The following HMGCLL1 variants were observed in gnomAD, a reference collection of about 807,000 sequenced individuals.
The protein encoded by HMGCLL1 is 3-hydroxymethyl-3-methylglutaryl-CoA lyase, cytoplasmic.
HMGCLL1 carries 36 observed loss-of-function variants against 39.1 expected under a neutral mutation model. The ratio of observed to expected loss-of-function variants is 0.92; its 90% CI spans 0.71 to 1.22. The LOEUF is 1.22. HMGCLL1 is among the 50% of genes most tolerant of loss of function. HMGCLL1 has a pLI of 0.00. For synonymous variants in HMGCLL1, 149 were observed against 144.0 expected (o/e 1.03, Z -0.25); for missense variants, 451 against 416.5 (o/e 1.08, Z -0.72).
At chr6:55,599,189 C>T in the HMGCLL1 span, among the ~76,000 whole-genome samples, 1 of 146,134 alleles carries the variant, frequency 6.8e-6, no homozygotes, top group Admixed American at 6.8e-5. Context: ...GTGCAGCAAA[C>T]CACCATGGCA....
intron 3 of HMGCLL1, among the ~76,000 whole-genome samples, chr6:55,519,471 G>C (rs1201826357): frequency 6.6e-6 from 1 of 152,112 alleles, no homozygotes; most frequent in Non-Finnish European, 1.5e-5. Flanking sequence ...GCATATCCAT[G>C]AATTTAGCTT....
At chr6:55,596,740 T>C in the HMGCLL1 span, among the ~76,000 whole-genome samples, 1 of 152,158 alleles carries the variant, frequency 6.6e-6, no homozygotes, top group Admixed American at 6.5e-5. Flanking sequence ...AAAACAAACT[T>C]TTTGTCTCAA....
chr6:55,501,371 C>T (rs528700485), intron 5 of HMGCLL1, among the ~76,000 whole-genome samples: 206 of 151,940 alleles, frequency 1.4e-3, no homozygotes, highest in Non-Finnish European at 1.9e-3. Flanking sequence ...TTTATGGCTG[C>T]TTTTACACTA....
chr6:55,553,174 T>TAC (rs1279185188), intron 1 of HMGCLL1, among the ~76,000 whole-genome samples: 1 of 95,202 alleles, frequency 1.1e-5, no homozygotes, highest in African/African-American at 3.9e-5. Context: ...TATATATATA[T>TAC]ACATACACAC....
At chr6:55,517,699 T>A (rs897133993) in intron 3 of HMGCLL1, among the ~76,000 whole-genome samples, 1 of 152,008 alleles carries the variant, frequency 6.6e-6, no homozygotes, top group East Asian at 1.9e-4. Flanking sequence ...TAAAAATACA[T>A]GTTACAATAT....
At chr6:55,655,559 G>GATAGATAC in the HMGCLL1 span, among the ~76,000 whole-genome samples, 1 of 151,686 alleles carries the variant, frequency 6.6e-6, no homozygotes, top group Admixed American at 6.6e-5. Flanking sequence ...TAGATAGATA[G>GATAGATAC]ATAGATAGAT....
the HMGCLL1 span, among the ~76,000 whole-genome samples, chr6:55,658,156 G>T: frequency 3.9e-5 from 6 of 151,950 alleles, no homozygotes; most frequent in Admixed American, 2.6e-4. Flanking sequence ...AGGACAAAAG[G>T]TTGATTTGAC....
intron 1 of HMGCLL1, chr6:55,577,180 A>G (rs1230352753): frequency 6.4e-7 from 1 of 1,564,224 alleles, no homozygotes; most frequent in Non-Finnish European, 8.7e-7. Context: ...AGGAAGATAA[A>G]GTTCAAAAAG....
chr6:55,449,623 T>C (rs1005010103), intron 7 of HMGCLL1, among the ~76,000 whole-genome samples: 1 of 152,246 alleles, frequency 6.6e-6, no homozygotes, highest in African/African-American at 2.4e-5. Context: ...CTGCTTTCTA[T>C]TTGTTCCACA....
the HMGCLL1 span, among the ~76,000 whole-genome samples, chr6:55,593,053 C>T: frequency 6.6e-6 from 1 of 152,058 alleles, no homozygotes; most frequent in Non-Finnish European, 1.5e-5. Flanking sequence ...AAGGAGACTT[C>T]CTACAAATTC....
the HMGCLL1 span, among the ~76,000 whole-genome samples, chr6:55,640,041 G>C: frequency 0.094 from 14,307 of 152,066 alleles, 768 homozygotes; most frequent in East Asian, 0.17. Flanking sequence ...CCATGCCATT[G>C]CACCCCAACC....
chr6:55,562,423 C>G (rs1320372319), intron 1 of HMGCLL1, among the ~76,000 whole-genome samples: 1 of 151,976 alleles, frequency 6.6e-6, no homozygotes, highest in Non-Finnish European at 1.5e-5. Flanking sequence ...AACACACACA[C>G]AGAGACATTA....
At chr6:55,615,855 C>T in the HMGCLL1 span, among the ~76,000 whole-genome samples, 1 of 151,952 alleles carries the variant, frequency 6.6e-6, no homozygotes, top group African/African-American at 2.4e-5. Flanking sequence ...TGATTTATGT[C>T]AATAGGCAAA....
intron 3 of HMGCLL1, among the ~76,000 whole-genome samples, chr6:55,536,618 A>G (rs1407501637): frequency 6.6e-6 from 1 of 151,886 alleles, no homozygotes; most frequent in African/African-American, 2.4e-5. Context: ...GGCTATCTGG[A>G]CTCATTTCAA....
At chr6:55,446,833 T>G (rs1275741730) in intron 7 of HMGCLL1, among the ~76,000 whole-genome samples, 4 of 152,030 alleles carry the variant, frequency 2.6e-5, no homozygotes, top group African/African-American at 9.7e-5. Context: ...CCTAAAATTT[T>G]AGTTATTGAG....
At chr6:55,545,766 G>A (rs1417374984) in intron 1 of HMGCLL1, among the ~76,000 whole-genome samples, 1 of 152,070 alleles carries the variant, frequency 6.6e-6, no homozygotes, top group Admixed American at 6.6e-5. Context: ...TTGCCTACTA[G>A]GCATTGTTTG....
chr6:55,510,802 A>T (rs906106292), intron 5 of HMGCLL1, among the ~76,000 whole-genome samples: 12 of 148,812 alleles, frequency 8.1e-5, no homozygotes, highest in African/African-American at 2.2e-4. Flanking sequence ...AATAATAATA[A>T]ATATATATAT....
chr6:55,556,717 T>G (rs1199635215), intron 1 of HMGCLL1, among the ~76,000 whole-genome samples: 1 of 151,982 alleles, frequency 6.6e-6, no homozygotes, highest in Admixed American at 6.6e-5. Context: ...GACTAAAAAT[T>G]AGGAGTTCAT....
upstream of HMGCLL1, among the ~76,000 whole-genome samples, chr6:55,582,035 T>C (rs1771994201): frequency 6.6e-6 from 1 of 152,178 alleles, no homozygotes; most frequent in Admixed American, 6.5e-5. Flanking sequence ...ACTCATCCCT[T>C]GCTCTTTTTC....
Sources: gnomAD v4.1 joint callset for allele counts (sites outside exome capture counted in the v4.1 genomes callset) on GRCh38, gnomAD v4.1.1 for gene constraint, MANE v1.5 for transcripts, NCBI Gene and HGNC (gene_info 2026-07-23, HGNC 2026-07-21) for gene names.